The following UNC5D variants were observed in gnomAD, a reference collection of about 807,000 sequenced individuals.
UNC5D encodes unc-5 netrin receptor D.
A neutral mutation model predicts 105.4 loss-of-function variants in UNC5D; 39 were observed. The ratio of observed to expected loss-of-function variants is 0.37; its 90% confidence interval spans 0.29 to 0.48. The LOEUF (loss-of-function observed/expected upper bound fraction) is 0.48. Ranked by LOEUF, UNC5D falls within the 20% of genes least tolerant of loss-of-function variation. The probability of loss-of-function intolerance (pLI) is 0.98; values close to 1 mark genes in which losing one functional copy is unlikely to be tolerated. For missense variants in UNC5D, 991 were observed against 1,202.4 expected, an observed-to-expected ratio of 0.82 and a Z score of 2.60; for synonymous variants, 452 against 450.4, an observed-to-expected ratio of 1.00 and a Z score of -0.04.
chr8:35,740,276 G>A (rs1829692838), intron 11 of UNC5D, among the ~76,000 whole-genome samples: 1 of 152,190 alleles, frequency 6.6e-6, no homozygotes, highest in Non-Finnish European at 1.5e-5. Context: ...GATTATCCTG[G>A]ACTCTCCAAG....
At chr8:35,465,715 T>C (rs1474399102) in intron 1 of UNC5D, among the ~76,000 whole-genome samples, 1 of 152,158 alleles carries the variant, frequency 6.6e-6, no homozygotes, top group Non-Finnish European at 1.5e-5. Context: ...GTGAATATGT[T>C]AGGTTAGATG....
chr8:35,726,333 G>A lies in UNC5D; in HGVS notation c.1485G>A (p.Val495=), dbSNP rs775762439. ...VQSSFMVSLG[V]SERAEYHGKN... is the part of the protein sequence containing the mutation. ...GCTCGTTCATGGTTTCCCTGGGAGT[G>A]TCTGAGAGAGCTGAGTACCACGGCA... The change falls in exon 10 of 17, where the codon GTG becomes GTA. Residue 495 remains valine (V), a synonymous_variant. Coordinates refer to ENST00000404895, the MANE Select transcript of UNC5D (RefSeq NM_080872.4). The A allele has an allele frequency of 1.9e-6, 3 of 1,614,124 alleles. No homozygotes were observed. Among genetic ancestry groups the A allele is most frequent in the South Asian group, 2.2e-5 (2 of 91,086 alleles).
intron 4 of UNC5D, among the ~76,000 whole-genome samples, chr8:35,633,487 C>T (rs948772720): frequency 3.3e-5 from 5 of 151,988 alleles, no homozygotes; most frequent in African/African-American, 1.2e-4. Flanking sequence ...GTGGCTCACA[C>T]CTGTAATCCT....
At chr8:35,503,364 G>A (rs987797214) in intron 1 of UNC5D, among the ~76,000 whole-genome samples, 3 of 152,252 alleles carry the variant, frequency 2.0e-5, no homozygotes, top group East Asian at 3.9e-4. Flanking sequence ...AATGAGAGCC[G>A]CGTCAAAGGG....
intron 4 of UNC5D, among the ~76,000 whole-genome samples, chr8:35,600,569 G>T (rs559288643): frequency 3.3e-5 from 5 of 152,066 alleles, no homozygotes; most frequent in African/African-American, 4.8e-5. Context: ...GCATTTTTTC[G>T]TGTGTCTTTT....
chr8:35,747,118 G>A (rs759298341), intron 11 of UNC5D, among the ~76,000 whole-genome samples: 1 of 152,150 alleles, frequency 6.6e-6, no homozygotes, highest in Non-Finnish European at 1.5e-5. Flanking sequence ...GTGGAAGACT[G>A]AACTTTTTAA....
chr8:35,643,360 G>T (rs1822867684), intron 4 of UNC5D, among the ~76,000 whole-genome samples: 1 of 151,960 alleles, frequency 6.6e-6, no homozygotes, highest in Non-Finnish European at 1.5e-5. Context: ...TAAAAGCTCT[G>T]CAATTGAGAT....
At chr8:35,638,351 C>T (rs543322539) in intron 4 of UNC5D, among the ~76,000 whole-genome samples, 1 of 152,200 alleles carries the variant, frequency 6.6e-6, no homozygotes, top group African/African-American at 2.4e-5. Flanking sequence ...GAACTTAATG[C>T]CTACAGAAGT....
chr8:35,275,559 T>A (rs1805718051), intron 1 of UNC5D, among the ~76,000 whole-genome samples: 1 of 152,236 alleles, frequency 6.6e-6, no homozygotes, highest in Non-Finnish European at 1.5e-5. Context: ...TTCAGCTCCA[T>A]GAAGTTATGC....
chr8:35,541,774 A>C (rs74763192), intron 1 of UNC5D, among the ~76,000 whole-genome samples: 21,910 of 152,184 alleles, frequency 0.14, 1,977 homozygotes, highest in East Asian at 0.27. Context: ...CAGAAAGTAA[A>C]TATGTCTTAG....
chr8:35,527,530 C>T (rs939466051), intron 1 of UNC5D, among the ~76,000 whole-genome samples: 4 of 151,956 alleles, frequency 2.6e-5, no homozygotes, highest in African/African-American at 9.7e-5. Context: ...TGAAAAGAAG[C>T]TCTCCTGTTT....
rs10630575 is a variant in UNC5D, at chr8:35,647,388, TTG to T, written c.571-36130_571-36129del. Among the ~76,000 whole-genome samples the T allele has an allele frequency of 4.9e-3, 721 of 147,346 alleles. 3 individuals are homozygous for T. Among genetic ancestry groups the T allele is most frequent in the African/African-American group, 8.0e-3 (319 of 40,060 alleles). The stretch of plus-strand genomic sequence containing the variant: ...ATCCTGATTTGGAGCTCCTGTGTAT[TTG>T]TGTGTGTGTGTGTGTGTGTGTGTGT... On this transcript the variant is annotated intron_variant, in intron 4 of 16. Transcript: ENST00000404895.
intron 1 of UNC5D, among the ~76,000 whole-genome samples, chr8:35,313,322 C>T (rs1368911725): frequency 6.6e-6 from 1 of 152,146 alleles, no homozygotes; most frequent in Non-Finnish European, 1.5e-5. Flanking sequence ...ATGCTCTGCT[C>T]CTCTGATACT....
At chr8:35,426,641 A>G (rs141190191) in intron 1 of UNC5D, among the ~76,000 whole-genome samples, 3 of 152,320 alleles carry the variant, frequency 2.0e-5, no homozygotes, top group African/African-American at 4.8e-5. Context: ...AAAGGCATCT[A>G]TCTTTTATTT....
intron 4 of UNC5D, among the ~76,000 whole-genome samples, chr8:35,629,245 T>C (rs1821882220): frequency 1.3e-5 from 2 of 152,196 alleles, no homozygotes; most frequent in South Asian, 2.1e-4. Context: ...TCCTGACTGG[T>C]GTAAGATGAT....
At chr8:35,721,953 T>G (rs1828606033) in intron 8 of UNC5D, among the ~76,000 whole-genome samples, 1 of 152,256 alleles carries the variant, frequency 6.6e-6, no homozygotes, top group South Asian at 2.1e-4. Context: ...CAAAATTGAT[T>G]ATATTCAAGA....
chr8:35,271,713 T>TATACATGTATACATGTATACATATATATG (rs1563268302), intron 1 of UNC5D, among the ~76,000 whole-genome samples: 1 of 85,392 alleles, frequency 1.2e-5, no homozygotes, highest in African/African-American at 5.8e-5. Flanking sequence ...ACATATATAT[T>TATACATGTATACATGTATACATATATATG]TATACATGTA....
intron 1 of UNC5D, among the ~76,000 whole-genome samples, chr8:35,423,030 G>A (rs2128967755): frequency 6.6e-6 from 1 of 152,310 alleles, no homozygotes; most frequent in South Asian, 2.1e-4. Context: ...TGGAATCCAG[G>A]TTTTGTACTT....
At chr8:35,446,049 T>G (rs1807765978) in intron 1 of UNC5D, among the ~76,000 whole-genome samples, 1 of 151,976 alleles carries the variant, frequency 6.6e-6, no homozygotes, top group South Asian at 2.1e-4. Context: ...ACAGGTAGTA[T>G]TTGGTTACCT....
Sources: gnomAD v4.1 joint callset for allele counts (sites outside exome capture counted in the v4.1 genomes callset) on GRCh38, gnomAD v4.1.1 for gene constraint, MANE v1.5 for transcripts, NCBI Gene and HGNC (gene_info 2026-07-23, HGNC 2026-07-21) for gene names.